The following EYS variants were observed in gnomAD, a reference collection of about 807,000 sequenced individuals.
EYS encodes protein eyes shut homolog.
In EYS, 250 loss-of-function variants were observed where a neutral mutation model predicts 282.1. The ratio of observed to expected loss-of-function variants is 0.89; its 90% CI spans 0.80 to 0.98. The LOEUF (loss-of-function observed/expected upper bound fraction) is 0.98, where lower values mean the gene tolerates loss of function less well. EYS is among the 50% of genes least tolerant of loss of function. EYS has a pLI of 0.00. For synonymous variants in EYS, 1,355 were observed against 1,282.9 expected (o/e 1.06, Z -1.20); for missense variants, 4,016 against 3,709.0 (o/e 1.08, Z -2.15).
intron 31 of EYS, among the ~76,000 whole-genome samples, chr6:64,139,336 G>A (rs568664739): frequency 6.2e-4 from 95 of 152,234 alleles, no homozygotes; most frequent in African/African-American, 2.3e-3. Flanking sequence ...TTAAAGGGGA[G>A]ATATAAGGAG....
At chr6:64,647,749 C>A (rs1768406503) in intron 22 of EYS, among the ~76,000 whole-genome samples, 1 of 151,802 alleles carries the variant, frequency 6.6e-6, no homozygotes, top group South Asian at 2.1e-4. Flanking sequence ...AACTTTTTTT[C>A]TTTACCAGAG....
chr6:64,995,502 T>A (rs1771224160), intron 14 of EYS, among the ~76,000 whole-genome samples: 1 of 152,146 alleles, frequency 6.6e-6, no homozygotes, highest in Admixed American at 6.6e-5. Context: ...TATGAAATGC[T>A]TTGAGCTTTA....
chr6:63,802,798 C>T (rs1770813225), intron 37 of EYS, among the ~76,000 whole-genome samples: 1 of 151,870 alleles, frequency 6.6e-6, no homozygotes, highest in African/African-American at 2.4e-5. Flanking sequence ...CTTCTTGCTC[C>T]CTCATGTGGT....
intron 15 of EYS, among the ~76,000 whole-genome samples, chr6:64,929,434 C>T (rs1322083225): frequency 1.3e-5 from 2 of 152,114 alleles, no homozygotes; most frequent in Non-Finnish European, 2.9e-5. Flanking sequence ...TTATCACTGC[C>T]TGTCTTCAAA....
intron 26 of EYS, among the ~76,000 whole-genome samples, chr6:64,519,686 G>A (rs546002767): frequency 7.2e-5 from 11 of 151,876 alleles, no homozygotes; most frequent in African/African-American, 2.7e-4. Context: ...GATGTGAAAA[G>A]GTTAACATCA....
At chr6:64,483,653 A>G (rs1009395067) in intron 26 of EYS, among the ~76,000 whole-genome samples, 6 of 151,582 alleles carry the variant, frequency 4.0e-5, no homozygotes, top group Admixed American at 6.6e-5. Context: ...AGCCTGCCCC[A>G]ATCTAGTGCC....
chr6:65,575,202 T>A (rs1471639606), intron 2 of EYS, among the ~76,000 whole-genome samples: 1 of 151,854 alleles, frequency 6.6e-6, no homozygotes, highest in African/African-American at 2.4e-5. Flanking sequence ...TATTGCACAC[T>A]TGTAACCCCA....
At chr6:63,862,182 T>C (rs538031414) in intron 36 of EYS, among the ~76,000 whole-genome samples, 1 of 152,348 alleles carries the variant, frequency 6.6e-6, no homozygotes, top group Non-Finnish European at 1.5e-5. Context: ...AGTTACTGTC[T>C]ATCACTACTT....
At chr6:64,794,882 C>A (rs1222112718) in intron 22 of EYS, among the ~76,000 whole-genome samples, 1 of 152,082 alleles carries the variant, frequency 6.6e-6, no homozygotes, top group Non-Finnish European at 1.5e-5. Flanking sequence ...AGGCACACTG[C>A]CCAATGCTAA....
At position 65,295,970 on chromosome 6, in the gene EYS, A is replaced by G. The variant is rs1223304574; in HGVS notation, c.1916T>C (p.Ile639Thr). ...GCAGTCTTCAGTATCTATCTCACAG[A>G]TGTTCCTTTCATATCTTTGCAGACC... Reference protein sequence around the residue: ...CSGLQRYERNICEIDTEDCKS... With the variant: ...CSGLQRYERNTCEIDTEDCKS... The change falls in exon 12 of 43, where the codon ATC (isoleucine) becomes ACC (threonine). Residue 639 changes from isoleucine to threonine, a missense_variant. Coordinates refer to ENST00000503581, the MANE Select transcript of EYS (RefSeq NM_001142800.2). The G allele has an allele frequency of 2.6e-6, 4 of 1,551,120 alleles. No homozygotes were observed. The highest frequency in any genetic ancestry group is 3.9e-5 in the Admixed American group (2 of 50,928).
At chr6:63,894,342 A>G (rs1773479640) in intron 35 of EYS, among the ~76,000 whole-genome samples, 1 of 152,162 alleles carries the variant, frequency 6.6e-6, no homozygotes, top group Admixed American at 6.5e-5. Flanking sequence ...AGGGAACTTC[A>G]GACAGACAGA....
At chr6:63,968,016 T>C (rs2149781152) in intron 35 of EYS, among the ~76,000 whole-genome samples, 1 of 152,308 alleles carries the variant, frequency 6.6e-6, no homozygotes, top group Middle Eastern at 3.4e-3. Flanking sequence ...TTTTGCAGCT[T>C]AGTTTTAGGT....
chr6:64,597,337 C>A (rs1034345158), intron 24 of EYS, among the ~76,000 whole-genome samples: 1 of 152,062 alleles, frequency 6.6e-6, no homozygotes, highest in African/African-American at 2.4e-5. Context: ...AATAGAACTA[C>A]GATTCAATTC....
intron 2 of EYS, among the ~76,000 whole-genome samples, chr6:65,601,443 G>A (rs1024675767): frequency 6.6e-6 from 1 of 151,632 alleles, no homozygotes; most frequent in Non-Finnish European, 1.5e-5. Flanking sequence ...TTCCCCCACA[G>A]AGATACCAGC....
intron 2 of EYS, among the ~76,000 whole-genome samples, chr6:65,554,091 C>T (rs2150618): frequency 0.55 from 83,448 of 151,814 alleles, 22,965 homozygotes; most frequent in East Asian, 0.72. Flanking sequence ...TATGAGAAGA[C>T]GGCAATTGGC....
intron 13 of EYS, among the ~76,000 whole-genome samples, chr6:65,053,936 A>G (rs954775351): frequency 6.6e-6 from 1 of 151,904 alleles, no homozygotes; most frequent in Non-Finnish European, 1.5e-5. Context: ...TATGTGTACT[A>G]TTTTTCTTTC....
intron 1 of EYS, among the ~76,000 whole-genome samples, chr6:65,661,623 A>C (rs2149825970): frequency 6.6e-6 from 1 of 152,172 alleles, no homozygotes; most frequent in Non-Finnish European, 1.5e-5. Context: ...TATTTCCATG[A>C]TTTAGTTACA....
chr6:64,800,549 T>C (rs1161445023), intron 22 of EYS, among the ~76,000 whole-genome samples: 4 of 141,728 alleles, frequency 2.8e-5, no homozygotes, highest in Admixed American at 1.5e-4. Flanking sequence ...TTAATCTAAT[T>C]TTTTTTTCCA....
chr6:64,195,262 C>T (rs982285886), intron 31 of EYS, among the ~76,000 whole-genome samples: 3 of 152,008 alleles, frequency 2.0e-5, no homozygotes, highest in Admixed American at 6.6e-5. Flanking sequence ...ATTTGGTTCT[C>T]GATTTAAAAA....
Sources: gnomAD v4.1 joint callset for allele counts (sites outside exome capture counted in the v4.1 genomes callset) on GRCh38, gnomAD v4.1.1 for gene constraint, MANE v1.5 for transcripts, NCBI Gene and HGNC (gene_info 2026-07-23, HGNC 2026-07-21) for gene names.